Variants in FAM131B observed in about 807,000 individuals in gnomAD.
The protein encoded by FAM131B is family with sequence similarity 131 member B.
Under a neutral mutation model 42.0 loss-of-function variants are expected in FAM131B, and 19 were observed. The observed-to-expected ratio is 0.45, with a 90% CI of 0.32 to 0.66. The LOEUF (loss-of-function observed/expected upper bound fraction) is 0.66, where lower values mean the gene tolerates loss of function less well. Among genes scored for constraint, FAM131B ranks in the 30% least tolerant of loss-of-function variants. FAM131B has a pLI of 0.05. For synonymous variants in FAM131B, 183 were observed against 177.6 expected (o/e 1.03, Z -0.24); for missense variants, 370 against 468.4 (o/e 0.79, Z 1.94).
chr7:143,376,041 T>C, the FAM131B span, among the ~76,000 whole-genome samples: 2 of 152,210 alleles, frequency 1.3e-5, no homozygotes, highest in Non-Finnish European at 1.5e-5. Context: ...TGGGTGCCCA[T>C]CTGGCCCAGC....
At chr7:143,381,564 GC>G in the FAM131B span, 1 of 1,608,938 alleles carries the variant, frequency 6.2e-7, no homozygotes, top group Non-Finnish European at 8.5e-7. Flanking sequence ...CAGCAGCCCG[GC>G]CCGGCCATGG....
the FAM131B span, among the ~76,000 whole-genome samples, chr7:143,369,929 G>GAATC: frequency 6.6e-6 from 1 of 152,142 alleles, no homozygotes; most frequent in African/African-American, 2.4e-5. Context: ...TTCACTCACT[G>GAATC]AATCAATCAA....
At position 143,358,712 on chromosome 7, in the gene FAM131B, G is replaced by A; in HGVS notation, c.466+115C>T. The A allele has an allele frequency of 1.3e-6, 1 of 755,272 alleles. No homozygotes were observed. Among genetic ancestry groups the A allele is most frequent in the Non-Finnish European group, 2.2e-6 (1 of 449,256 alleles). 46.8% of individuals were successfully genotyped at this position (755,272 alleles called of 1,614,324 possible). On this transcript the variant is annotated intron_variant, in intron 5 of 6. Transcript: ENST00000443739. The surrounding 1 kb of genome is among the most constrained non-coding windows in gnomAD (Gnocchi z 4.7). ...AAATACTTAGAGCTGTTTGGGAAAT[G>A]TGAATCTACGGTCAAAGTATGGATG...
At chr7:143,375,545 C>G in the FAM131B span, among the ~76,000 whole-genome samples, 6 of 152,176 alleles carry the variant, frequency 3.9e-5, no homozygotes, top group Non-Finnish European at 1.5e-5. Context: ...CCTAAGGAAG[C>G]TTGAGCAAGC....
chr7:143,378,683 TCTC>T, the FAM131B span, among the ~76,000 whole-genome samples: 1 of 151,812 alleles, frequency 6.6e-6, no homozygotes, highest in Non-Finnish European at 1.5e-5. Context: ...AAGCGATTCT[TCTC>T]CTGCTTCAGC....
the FAM131B span, among the ~76,000 whole-genome samples, chr7:143,372,274 C>A: frequency 2.6e-5 from 4 of 152,202 alleles, no homozygotes; most frequent in Admixed American, 2.6e-4. Context: ...TCAGCCCAGG[C>A]TGGGGTTTTG....
Position 143,362,069 on chromosome 7 carries a change from G to GGA in FAM131B, c.28+505_28+506dup. The GGA allele has an allele frequency of 1.0e-6, 1 of 985,112 alleles. No homozygotes were observed. Among genetic ancestry groups the GGA allele is most frequent in the Non-Finnish European group, 1.2e-6 (1 of 829,512 alleles). The allele number at this position is 985,112 out of a possible 1,614,324, so 61.0% of individuals were successfully genotyped here. A position where few individuals can be genotyped will look rare whatever the true frequency, so the allele number is the denominator to read the frequency against. ...AACGACAGTAAAAGGCAACGGAGAG[G>GGA]GAGAGAGAGATGGGGCAAAGCACCC... On this transcript the variant is annotated intron_variant, in intron 1 of 6. Coordinates refer to ENST00000443739, the MANE Select transcript of FAM131B (RefSeq NM_001031690.3). This position sits in a 1 kb window ranked among gnomAD's most constrained non-coding sequence, Gnocchi z 7.7.
chr7:143,375,587 G>C, the FAM131B span, among the ~76,000 whole-genome samples: 90 of 152,310 alleles, frequency 5.9e-4, no homozygotes, highest in Non-Finnish European at 1.2e-3. Context: ...CCCACTTCCT[G>C]TGTCAGTTCA....
chr7:143,361,366 G>C (rs189911252), intron 1 of FAM131B: 2 of 152,228 alleles, frequency 1.3e-5, no homozygotes, highest in African/African-American at 4.9e-5. Flanking sequence ...CGGGGTGCGG[G>C]GGGAGAGGGG....
chr7:143,376,233 C>T, the FAM131B span, among the ~76,000 whole-genome samples: 2 of 152,178 alleles, frequency 1.3e-5, no homozygotes, highest in South Asian at 4.1e-4. Flanking sequence ...CCACACCAAG[C>T]CAGCTCTATT....
Position 143,358,523 on chromosome 7 carries a change from C to T in FAM131B, c.466+304G>A, listed in dbSNP as rs757363970. Among the ~76,000 whole-genome samples, 2 of 152,124 alleles carry T rather than the reference C, an allele frequency of 1.3e-5. No individual in the cohort carries two copies. Among genetic ancestry groups the T allele is most frequent in the Non-Finnish European group, 2.9e-5 (2 of 68,032 alleles). On this transcript the variant is annotated intron_variant, in intron 5 of 6. Transcript: ENST00000443739. The surrounding 1 kb of genome is among the most constrained non-coding windows in gnomAD (Gnocchi z 4.7). ...CTTTCTTTCAAAGACCAAGGTCTCC[C>T]CATTTTTTTCCCTGCACTTGAGGGA...
chr7:143,356,953 C>T lies in FAM131B; in HGVS notation c.680G>A (p.Gly227Glu). Residue 227 changes from glycine (G) to glutamate (E), a missense_variant, in exon 7 of 7, where the codon GGG becomes GAG. By Grantham distance (98) the Gly-to-Glu change is moderately conservative (BLOSUM62 -2). Transcript: ENST00000443739. This position sits in a 1 kb window ranked among gnomAD's most constrained non-coding sequence, Gnocchi z 4.4. ...SYVSQGMYCLGSSDAWEASDQ... is the reference protein window; with the variant it reads ...SYVSQGMYCLESSDAWEASDQ... ...GCTGGCTTCCCAGGCATCTGACGACCCCAGACAGTACATACCCTGGGACAC... is the reference window on the plus strand; with the variant it reads ...GCTGGCTTCCCAGGCATCTGACGACTCCAGACAGTACATACCCTGGGACAC... The T allele has an allele frequency of 6.2e-7, 1 of 1,614,052 alleles. No homozygotes were observed. The highest frequency in any genetic ancestry group is 2.2e-5 in the East Asian group (1 of 44,884).
the FAM131B span, chr7:143,381,584 C>G: frequency 6.2e-7 from 1 of 1,610,600 alleles, no homozygotes; most frequent in South Asian, 1.1e-5. Flanking sequence ...GGCGGCCCCC[C>G]GCCCGTCTCC....
chr7:143,361,346 CAG>C (rs1369954023), intron 1 of FAM131B: 1 of 105,076 alleles, frequency 9.5e-6, no homozygotes, highest in Non-Finnish European at 1.8e-5. Flanking sequence ...AGAAGGGAGA[CAG>C]GGGAGGGCGG....
chr7:143,358,627 G>A lies in FAM131B; in HGVS notation c.466+200C>T, dbSNP rs1212934127. Among the ~76,000 whole-genome samples, 1 of 152,132 alleles carries A rather than the reference G, an allele frequency of 6.6e-6. No homozygotes were observed. Among genetic ancestry groups the A allele is most frequent in the East Asian group, 1.9e-4 (1 of 5,192 alleles). On this transcript the variant is annotated intron_variant, in intron 5 of 6. Transcript: ENST00000443739. This position sits in a 1 kb window ranked among gnomAD's most constrained non-coding sequence, Gnocchi z 4.7. ...ACCCACAAATCCCATCTAATTACAC[G>A]CATTTTCTGAGATGATTATAAAAAT...
chr7:143,356,031 G>C lies in FAM131B; in HGVS notation c.*519C>G, dbSNP rs966878416. On this transcript the variant is annotated 3_prime_UTR_variant, in exon 7 of 7. Transcript: ENST00000443739. The surrounding 1 kb of genome is among the most constrained non-coding windows in gnomAD (Gnocchi z 4.4). Reference sequence around the variant, plus strand: ...GTGCCCTTCAGGCAGCCTCCCCTGCGCCTGTCCAGCCATGTCCAACAGCCC... The same window carrying C: ...GTGCCCTTCAGGCAGCCTCCCCTGCCCCTGTCCAGCCATGTCCAACAGCCC... 6.3e-6 allele frequency: 1 copy of C among 159,812 alleles called. No homozygotes were observed. Among genetic ancestry groups the C allele is most frequent in the African/African-American group, 2.4e-5 (1 of 41,462 alleles). The allele number at this position is 159,812 out of a possible 1,614,324, so 9.9% of individuals were successfully genotyped here.
Position 143,358,942 on chromosome 7 carries a change from C to T in FAM131B, c.351G>A (p.Gln117=). 1 of 1,614,134 alleles carries T rather than the reference C, an allele frequency of 6.2e-7. No homozygotes were observed. The highest frequency in any genetic ancestry group is 1.3e-5 in the African/African-American group (1 of 75,064). ...GAACAGCTGGTGTCTTCCCCCAGCC[C>T]TGCCACTCAATCATGTGGGCCACCC... ...QGRVAHMIEW[Q]GWGKTPAVQP... The change falls in exon 5 of 7, where the codon CAG becomes CAA. Residue 117 remains glutamine, a synonymous_variant. Coordinates refer to ENST00000443739, the MANE Select transcript of FAM131B (RefSeq NM_001031690.3). This position sits in a 1 kb window ranked among gnomAD's most constrained non-coding sequence, Gnocchi z 4.7.
chr7:143,356,835 G>C lies in FAM131B; in HGVS notation c.798C>G (p.Ser266=), dbSNP rs769733960. 6.2e-7 allele frequency: 1 copy of C among 1,613,988 alleles called. No individual in the cohort carries two copies. Among genetic ancestry groups the C allele is most frequent in the Non-Finnish European group, 8.5e-7 (1 of 1,180,038 alleles). Residue 266 remains serine, a synonymous_variant, in exon 7 of 7, where the codon TCC becomes TCG. Coordinates refer to ENST00000443739, the MANE Select transcript of FAM131B (RefSeq NM_001031690.3). The surrounding 1 kb of genome is among the most constrained non-coding windows in gnomAD (Gnocchi z 4.4). Reference sequence around the variant, plus strand: ...GAGCAGAGTATCCTGAAGCTGGTTGGGAAGGTCCCATTTCATGCAAGCTGG... The same window carrying C: ...GAGCAGAGTATCCTGAAGCTGGTTGCGAAGGTCCCATTTCATGCAAGCTGG... ...SQPSLHEMGP[S]QPASGYSALE...
the FAM131B span, chr7:143,380,921 A>C: frequency 1.8e-5 from 8 of 450,122 alleles, no homozygotes; most frequent in African/African-American, 2.1e-5. The surrounding 1 kb of genome is among the most constrained non-coding windows in gnomAD (Gnocchi z 5.0). Context: ...CCGGAGGCGC[A>C]CAGGGGCTGC....
Sources: gnomAD v4.1 joint callset for allele counts (sites outside exome capture counted in the v4.1 genomes callset) on GRCh38, gnomAD v4.1.1 for gene constraint, Gnocchi (gnomAD v3.1) non-coding constraint, MANE v1.5 for transcripts, NCBI Gene and HGNC (gene_info 2026-07-23, HGNC 2026-07-21) for gene names.